LINGO1: variants seen among roughly 807,000 people sequenced by gnomAD.
LINGO1 encodes the protein leucine rich repeat and Ig domain containing 1.
Under a neutral mutation model 37.3 loss-of-function variants are expected in LINGO1, and 11 were observed. The ratio of observed to expected loss-of-function variants is 0.29; its 90% confidence interval spans 0.19 to 0.49. LINGO1 has a LOEUF of 0.49. Among genes scored for constraint, LINGO1 ranks in the 20% least tolerant of loss-of-function variants. The pLI is 0.99. For missense variants in LINGO1, 585 were observed against 878.2 expected (o/e 0.67, Z 4.22); for synonymous variants, 387 against 403.0 (o/e 0.96, Z 0.48).
At chr15:77,633,587 C>G (rs1411640003), upstream of LINGO1, among the ~76,000 whole-genome samples, 4 of 152,180 alleles carry the variant, frequency 2.6e-5, no homozygotes, top group Non-Finnish European at 5.9e-5. Context: ...CCGGGGTCCC[C>G]GCCCAGCCTG....
Position 77,761,047 on chromosome 15 carries a change from C to T in LINGO1, c.-257+25822G>A, listed in dbSNP as rs1353091408. 2.7e-5 allele frequency among the ~76,000 whole-genome samples: 4 copies of T among 150,790 alleles called. No individual in the cohort carries two copies. In the East Asian group the frequency reaches 7.7e-4, roughly 29 times the overall value. ...AATCAGGTGATTCTTTCGCCTCAGC[C>T]TCCCAAGAAGCTGAGACTACAGGTG... On this transcript the variant is annotated intron_variant, in intron 1 of 3. Transcript: ENST00000561686.
At chr15:77,645,310 C>G (rs28515899) in intron 3 of LINGO1, among the ~76,000 whole-genome samples, 18,682 of 152,168 alleles carry the variant, frequency 0.12, 1,924 homozygotes, top group African/African-American at 0.28. Context: ...GCTGGGACAG[C>G]AGGCCCCAGG....
chr15:77,752,805 C>T (rs1317177429), intron 1 of LINGO1, among the ~76,000 whole-genome samples: 1 of 152,204 alleles, frequency 6.6e-6, no homozygotes, highest in Non-Finnish European at 1.5e-5. Context: ...GCACTGCAGA[C>T]CTTCCCAGGC....
At chr15:77,669,599 C>T (rs1335429294) in intron 3 of LINGO1, among the ~76,000 whole-genome samples, 1 of 152,222 alleles carries the variant, frequency 6.6e-6, no homozygotes, top group Non-Finnish European at 1.5e-5. Flanking sequence ...GATTGGATCT[C>T]CTCCAGGAAG....
chr15:77,623,389 T>C (rs1438660554), intron 1 of LINGO1, among the ~76,000 whole-genome samples: 1 of 152,248 alleles, frequency 6.6e-6, no homozygotes, highest in Non-Finnish European at 1.5e-5. Context: ...CTGGACTCCT[T>C]TTAAAGATGC....
At chr15:77,766,727 G>T (rs9672486) in intron 1 of LINGO1, among the ~76,000 whole-genome samples, 86,480 of 152,072 alleles carry the variant, frequency 0.57, 25,346 homozygotes, top group African/African-American at 0.72. Context: ...TCCTGAGGCC[G>T]TCCCAGCAAT....
At chr15:77,682,158 T>C (rs1266027206) in intron 2 of LINGO1, among the ~76,000 whole-genome samples, 1 of 139,468 alleles carries the variant, frequency 7.2e-6, no homozygotes, top group Non-Finnish European at 1.5e-5. Context: ...TGGTCAGATC[T>C]AAGATGGAGA....
intron 1 of LINGO1, among the ~76,000 whole-genome samples, chr15:77,694,582 C>A (rs868444523): frequency 6.6e-6 from 1 of 152,174 alleles, no homozygotes; most frequent in East Asian, 1.9e-4. Flanking sequence ...TTGCCCTCTG[C>A]CCCAAAACTT....
intron 2 of LINGO1, among the ~76,000 whole-genome samples, chr15:77,728,422 G>A (rs557077087): frequency 2.0e-5 from 3 of 152,258 alleles, no homozygotes; most frequent in African/African-American, 7.2e-5. Context: ...AGGGCTGGGG[G>A]CTGGGAGTGG....
intron 2 of LINGO1, among the ~76,000 whole-genome samples, chr15:77,793,239 C>T (rs1435586064): frequency 6.6e-6 from 1 of 152,164 alleles, no homozygotes; most frequent in Non-Finnish European, 1.5e-5. Flanking sequence ...CCACGGATCC[C>T]ACCACTGAGG....
intron 3 of LINGO1, among the ~76,000 whole-genome samples, chr15:77,659,189 G>C (rs2074933160): frequency 6.6e-6 from 1 of 152,102 alleles, no homozygotes; most frequent in Admixed American, 6.5e-5. Context: ...AGATTTGCAA[G>C]GAAAAAACCC....
intron 1 of LINGO1, among the ~76,000 whole-genome samples, chr15:77,769,436 C>T (rs1323684544): frequency 2.6e-5 from 4 of 152,338 alleles, no homozygotes; most frequent in African/African-American, 4.8e-5. Flanking sequence ...ACTCGCACAC[C>T]CTGGGACGTG....
intron 1 of LINGO1, among the ~76,000 whole-genome samples, chr15:77,736,965 G>A (rs999484856): frequency 1.3e-5 from 2 of 152,168 alleles, no homozygotes; most frequent in Non-Finnish European, 2.9e-5. Context: ...TCATGGTGCT[G>A]CACTGAGGCA....
At chr15:77,744,853 C>T (rs1336136472) in intron 1 of LINGO1, among the ~76,000 whole-genome samples, 3 of 152,090 alleles carry the variant, frequency 2.0e-5, no homozygotes, top group Non-Finnish European at 4.4e-5. Flanking sequence ...CAGTGGCTCA[C>T]GCCTGTAATC....
intron 3 of LINGO1, among the ~76,000 whole-genome samples, chr15:77,660,641 T>A (rs757407848): frequency 3.3e-5 from 5 of 152,194 alleles, no homozygotes; most frequent in Non-Finnish European, 7.4e-5. Context: ...CTCCCACCAA[T>A]TAGAAATTCA....
At chr15:77,764,997 T>C (rs2076513348) in intron 1 of LINGO1, among the ~76,000 whole-genome samples, 1 of 152,122 alleles carries the variant, frequency 6.6e-6, no homozygotes, top group Non-Finnish European at 1.5e-5. Context: ...CAAAACCCCA[T>C]CACAACAGTG....
At position 77,711,377 on chromosome 15, in the gene LINGO1, G is replaced by A. The variant is rs79353456; in HGVS notation, c.-194-20476C>T. ...CCGACATTGAAGACTGGCCGATAACGAAGATTCCATCCTCCTTTGACACTC... is the reference window on the plus strand; with the variant it reads ...CCGACATTGAAGACTGGCCGATAACAAAGATTCCATCCTCCTTTGACACTC... On this transcript the variant is annotated intron_variant, in intron 2 of 3. Transcript: ENST00000561686. Among the ~76,000 whole-genome samples the A allele has an allele frequency of 8.9e-3, 1,351 of 152,292 alleles. 26 individuals carry two copies. Among genetic ancestry groups the A allele is most frequent in the African/African-American group, 0.031 (1,275 of 41,554 alleles).
intron 2 of LINGO1, among the ~76,000 whole-genome samples, chr15:77,729,641 C>G (rs1436999422): frequency 3.3e-5 from 5 of 152,224 alleles, no homozygotes; most frequent in African/African-American, 1.2e-4. Context: ...TCTCCACACT[C>G]TGAGCTGCCG....
At chr15:77,762,423 T>A (rs1188937908) in intron 1 of LINGO1, among the ~76,000 whole-genome samples, 1 of 152,054 alleles carries the variant, frequency 6.6e-6, no homozygotes, top group East Asian at 1.9e-4. Flanking sequence ...CCTTCTTCCC[T>A]GGATTGAGAC....
Sources: gnomAD v4.1 joint callset for allele counts (sites outside exome capture counted in the v4.1 genomes callset) on GRCh38, gnomAD v4.1.1 for gene constraint, MANE v1.5 for transcripts, NCBI Gene and HGNC (gene_info 2026-07-23, HGNC 2026-07-21) for gene names.